COL24A1: variants seen among roughly 807,000 people sequenced by gnomAD.
The protein encoded by COL24A1 is collagen alpha-1(XXIV) chain.
Under a neutral mutation model 253.9 loss-of-function variants are expected in COL24A1, and 224 were observed. That is an observed-to-expected ratio of 0.88 (90% CI 0.79 to 0.99). COL24A1 has a LOEUF of 0.99. COL24A1 is among the 50% of genes least tolerant of loss of function. The pLI is 0.00. For synonymous variants in COL24A1, 685 were observed against 673.7 expected, an observed-to-expected ratio of 1.02 and a Z score of -0.26; for missense variants, 2,131 against 2,068.5, an observed-to-expected ratio of 1.03 and a Z score of -0.59.
chr1:85,812,635 T>A (rs1570718965), intron 47 of COL24A1, among the ~76,000 whole-genome samples: 1 of 152,278 alleles, frequency 6.6e-6, no homozygotes, highest in East Asian at 1.9e-4. Context: ...GGAAGATAAA[T>A]TTAGATGAAC....
chr1:86,137,808 G>A (rs1001898726), intron 2 of COL24A1, among the ~76,000 whole-genome samples: 2 of 152,226 alleles, frequency 1.3e-5, no homozygotes, highest in East Asian at 3.9e-4. Flanking sequence ...CCACTTCAAT[G>A]TATTTTCCCC....
At chr1:85,903,112 CATTTT>C (rs2102862716) in intron 28 of COL24A1, among the ~76,000 whole-genome samples, 1 of 152,196 alleles carries the variant, frequency 6.6e-6, no homozygotes, top group East Asian at 1.9e-4. Context: ...TTTATTATTT[CATTTT>C]ATAAGTCAAG....
intron 32 of COL24A1, among the ~76,000 whole-genome samples, chr1:85,881,205 A>G (rs1681796985): frequency 6.6e-6 from 1 of 152,112 alleles, no homozygotes; most frequent in Admixed American, 6.6e-5. Context: ...GATTGATTCT[A>G]TTTCTTTATC....
rs552083533 is a variant in COL24A1 at position 86,139,421 on chromosome 1, G to A, written c.121+6698C>T. Among the ~76,000 whole-genome samples the A allele has an allele frequency of 2.6e-5, 4 of 152,144 alleles. No homozygotes were observed. The South Asian group carries it at 8.3e-4, about 32-fold the overall frequency. On this transcript the variant is annotated intron_variant, in intron 2 of 59. Transcript: ENST00000370571. ...CATTTTACAAGTACAGAGAACCAAA[G>A]AACCATTAAATGTGTCAATATTCAG...
intron 42 of COL24A1, 74 bp downstream of exon 42, chr1:85,841,148 A>T: frequency 2.0e-6 from 2 of 1,022,360 alleles, no homozygotes; most frequent in Non-Finnish European, 2.9e-6. Context: ...GAAAAGATTT[A>T]ATTGGTGTTG....
At chr1:86,142,548 CA>C (rs1232309975) in intron 2 of COL24A1, among the ~76,000 whole-genome samples, 2 of 145,056 alleles carry the variant, frequency 1.4e-5, no homozygotes, top group African/African-American at 2.5e-5. Flanking sequence ...AAACAAAAAA[CA>C]AAAAAAACAA....
rs1156815742 is a variant in COL24A1 at position 86,112,614 on chromosome 1, G to C, written c.1552C>G (p.Pro518Ala). ...AAACCAGGATTTCCATGTGGCCCTG[G>C]TATGCCCTGCAAGTAACGAAAAAAG... ...PSGKRGPRGI[P>A]GPHGNPGLPG... is the part of the protein sequence containing the mutation. The change falls in exon 5 of 60, where the codon CCA becomes GCA. Residue 518 changes from proline to alanine, a missense_variant. Transcript: ENST00000370571. 3.1e-6 allele frequency: 5 copies of C among 1,612,806 alleles called. No individual in the cohort carries two copies. The African/African-American group carries it at 5.3e-5, about 17-fold the overall frequency.
intron 23 of COL24A1, among the ~76,000 whole-genome samples, chr1:85,963,899 T>C (rs900928761): frequency 6.6e-6 from 1 of 152,024 alleles, no homozygotes; most frequent in African/African-American, 2.4e-5. Context: ...GCAAGGAGAA[T>C]TGATTAAGCC....
chr1:86,076,407 A>G (rs1188129796), intron 7 of COL24A1, among the ~76,000 whole-genome samples: 2 of 152,226 alleles, frequency 1.3e-5, no homozygotes, highest in East Asian at 3.8e-4. Context: ...AAACAAATGG[A>G]AAAACATTCC....
chr1:85,905,534 T>C lies in COL24A1; in HGVS notation c.2778+1660A>G, dbSNP rs1057115991. Among the ~76,000 whole-genome samples the C allele has an allele frequency of 2.0e-5, 3 of 152,114 alleles. 1 individual carries two copies. The highest frequency in any genetic ancestry group is 7.2e-5 in the African/African-American group (3 of 41,430). ...CAGTAAAGAAGGCTCTCTCTCTCTC[T>C]CTCCCTCTTTTAAAGCCCTTGTTTC... On this transcript the variant is annotated intron_variant, in intron 28 of 59. Coordinates refer to ENST00000370571, the MANE Select transcript of COL24A1 (RefSeq NM_152890.7).
intron 7 of COL24A1, among the ~76,000 whole-genome samples, chr1:86,069,037 A>T (rs1160297917): frequency 6.6e-6 from 1 of 152,168 alleles, no homozygotes; most frequent in Non-Finnish European, 1.5e-5. Context: ...GTGGTCCAGT[A>T]CATTCCAGCT....
chr1:85,802,784 A>G (rs1257114041), intron 47 of COL24A1, among the ~76,000 whole-genome samples: 3 of 152,172 alleles, frequency 2.0e-5, no homozygotes, highest in Non-Finnish European at 4.4e-5. Flanking sequence ...GCTTTTTATC[A>G]TTACAGATTA....
chr1:85,935,400 T>C (rs1688174956), intron 24 of COL24A1, among the ~76,000 whole-genome samples: 1 of 147,680 alleles, frequency 6.8e-6, no homozygotes, highest in Non-Finnish European at 1.5e-5. Context: ...AGGGTAATAC[T>C]ATGACTTGAC....
At chr1:85,989,225 C>T (rs1032645719) in intron 19 of COL24A1, among the ~76,000 whole-genome samples, 2 of 151,984 alleles carry the variant, frequency 1.3e-5, no homozygotes, top group African/African-American at 4.8e-5. Flanking sequence ...TATGTTCCTC[C>T]CTCATCCTCT....
In COL24A1 at chr1:85,895,847, A is replaced by T. The variant is rs886112520; in HGVS notation, c.2922+11T>A. The T allele has an allele frequency of 2.4e-5, 39 of 1,601,650 alleles. No homozygotes were observed. The highest frequency in any genetic ancestry group is 3.1e-5 in the Non-Finnish European group (36 of 1,174,742). On this transcript the variant is annotated intron_variant, in intron 31 of 59. Coordinates refer to ENST00000370571, the MANE Select transcript of COL24A1 (RefSeq NM_152890.7). ...AAAATTTTTCATAGCATGATTTTTTAAATTACTTACTGGTTTCCCTTGAAA... is the reference window on the plus strand; with the variant it reads ...AAAATTTTTCATAGCATGATTTTTTTAATTACTTACTGGTTTCCCTTGAAA...
chr1:86,001,525 A>G (rs1695406792), intron 19 of COL24A1, among the ~76,000 whole-genome samples: 1 of 152,198 alleles, frequency 6.6e-6, no homozygotes, highest in South Asian at 2.1e-4. Flanking sequence ...TCTTTGATTA[A>G]TGACATTTTG....
In COL24A1 at chr1:85,918,952, C is replaced by T. The variant is rs59233691; in HGVS notation, c.2563-7519G>A. ...ACTTGGCCATATAATTTGGAGTGCC[C>T]GTCACCATGGGAGGAATATACCCCT... On this transcript the variant is annotated intron_variant, in intron 24 of 59. Transcript: ENST00000370571. Among the ~76,000 whole-genome samples, 14 of 152,270 alleles carry T rather than the reference C, an allele frequency of 9.2e-5. No homozygotes were observed. The East Asian group carries it at 1.7e-3, about 19-fold the overall frequency.
chr1:86,057,852 A>G, intron 10 of COL24A1, 79 bp downstream of exon 10: 1 of 1,304,162 alleles, frequency 7.7e-7, no homozygotes, highest in Non-Finnish European at 1.1e-6. Flanking sequence ...AAGAGAGTGT[A>G]AAAATGCTAA....
chr1:85,895,985 A>G, intron 30 of COL24A1, 36 bp downstream of exon 30: 3 of 1,599,560 alleles, frequency 1.9e-6, no homozygotes, highest in Non-Finnish European at 2.6e-6. Flanking sequence ...AAGACTTAAA[A>G]TGTTCATCTT....
Sources: gnomAD v4.1 joint callset for allele counts (sites outside exome capture counted in the v4.1 genomes callset) on GRCh38, gnomAD v4.1.1 for gene constraint, MANE v1.5 for transcripts, NCBI Gene and HGNC (gene_info 2026-07-23, HGNC 2026-07-21) for gene names.